Variants in PANK1 observed in about 807,000 individuals in gnomAD.
PANK1 encodes pantothenic acid kinase 1.
PANK1 carries 18 observed loss-of-function variants against 40.1 expected under a neutral mutation model. The ratio of observed to expected loss-of-function variants is 0.45; its 90% CI spans 0.31 to 0.67. PANK1 has a LOEUF of 0.67. PANK1 is among the 30% of genes least tolerant of loss of function. The pLI is 0.06. For missense variants in PANK1, 457 were observed against 599.6 expected, an observed-to-expected ratio of 0.76 and a Z score of 2.48; for synonymous variants, 242 against 237.7, an observed-to-expected ratio of 1.02 and a Z score of -0.17.
intron 4 of PANK1, 41 bp from the exon 5 acceptor site, chr10:89,593,361 C>T (rs1231215637): frequency 1.8e-5 from 29 of 1,600,982 alleles, no homozygotes; most frequent in Non-Finnish European, 2.3e-5. Context: ...AAATCGTCCT[C>T]AGGCAGGGCC....
At chr10:89,641,764 TAAATAAATAAAA>T (rs1314744739) in intron 1 of PANK1, among the ~76,000 whole-genome samples, 1 of 108,986 alleles carries the variant, frequency 9.2e-6, no homozygotes, top group Non-Finnish European at 1.9e-5. Flanking sequence ...AATAAATAAA[TAAATAAATAAAA>T]TAAAAAAAAA....
At chr10:89,607,460 T>C (rs1279807863) in intron 2 of PANK1, among the ~76,000 whole-genome samples, 1 of 152,194 alleles carries the variant, frequency 6.6e-6, no homozygotes, top group Non-Finnish European at 1.5e-5. Context: ...TTAAAAAGTT[T>C]GAAATACAGC....
intron 2 of PANK1, among the ~76,000 whole-genome samples, chr10:89,601,614 T>C (rs1375165775): frequency 2.0e-5 from 3 of 152,246 alleles, no homozygotes; most frequent in African/African-American, 7.2e-5. Flanking sequence ...TCTGATTGTA[T>C]ACCTGCAGAA....
At chr10:89,582,355 T>C (rs1844067116), downstream of PANK1, 2 of 152,330 alleles carry the variant, frequency 1.3e-5, no homozygotes, top group South Asian at 4.1e-4. Flanking sequence ...ATCTCTTTTG[T>C]AAAAAACAGG....
chr10:89,607,642 T>C (rs1845009083), intron 2 of PANK1, among the ~76,000 whole-genome samples: 1 of 152,208 alleles, frequency 6.6e-6, no homozygotes, highest in Admixed American at 6.5e-5. Context: ...ATTAATGACT[T>C]TTTAAAAATA....
At chr10:89,595,126 T>C (rs1844522197) in intron 3 of PANK1, among the ~76,000 whole-genome samples, 1 of 152,212 alleles carries the variant, frequency 6.6e-6, no homozygotes, top group African/African-American at 2.4e-5. Flanking sequence ...TACAAAACTG[T>C]AGATAGGTAC....
Position 89,584,137 on chromosome 10 carries a change from T to C in PANK1, c.*269A>G, listed in dbSNP as rs1589750992. On this transcript the variant is annotated 3_prime_UTR_variant, in exon 7 of 7. Transcript: ENST00000307534. The stretch of plus-strand genomic sequence containing the variant: ...CAAACAACTTTTCAAAGTTAATGCA[T>C]ACAATTGGTAGGTTTGGCCACGCTG... 5.4e-6 allele frequency: 2 copies of C among 369,876 alleles called. No homozygotes were observed. The highest frequency in any genetic ancestry group is 8.3e-5 in the East Asian group (2 of 24,232). 22.9% of individuals were successfully genotyped at this position (369,876 alleles called of 1,614,324 possible).
chr10:89,591,874 A>G (rs1317646328), intron 5 of PANK1, among the ~76,000 whole-genome samples: 1 of 152,070 alleles, frequency 6.6e-6, no homozygotes, highest in African/African-American at 2.4e-5. Context: ...GGCTCACTCC[A>G]GCAAAAAGCA....
At chr10:89,624,072 C>T (rs549763264) in intron 1 of PANK1, among the ~76,000 whole-genome samples, 5 of 152,202 alleles carry the variant, frequency 3.3e-5, no homozygotes, top group African/African-American at 4.8e-5. Flanking sequence ...TTTCTCCTCT[C>T]GCCCAGACAC....
chr10:89,588,335 AG>A (rs1320502964), intron 6 of PANK1, among the ~76,000 whole-genome samples: 7 of 152,182 alleles, frequency 4.6e-5, no homozygotes, highest in Non-Finnish European at 1.0e-4. Flanking sequence ...AAGTATTCAG[AG>A]GTGGAACTGC....
At chr10:89,636,397 C>T (rs1004156111) in intron 1 of PANK1, among the ~76,000 whole-genome samples, 4 of 151,728 alleles carry the variant, frequency 2.6e-5, no homozygotes, top group African/African-American at 9.7e-5. Flanking sequence ...CTTGCAGTGG[C>T]GCGATCTCAG....
intron 3 of PANK1, among the ~76,000 whole-genome samples, chr10:89,595,123 C>A (rs1844522116): frequency 6.6e-6 from 1 of 152,186 alleles, no homozygotes; most frequent in Non-Finnish European, 1.5e-5. Flanking sequence ...AGGTACAAAA[C>A]TGTAGATAGG....
intron 1 of PANK1, among the ~76,000 whole-genome samples, chr10:89,641,764 T>C (rs1841975923): frequency 9.2e-6 from 1 of 108,986 alleles, no homozygotes; most frequent in South Asian, 3.4e-4. Flanking sequence ...AATAAATAAA[T>C]AAATAAATAA....
At chr10:89,609,852 A>C (rs1203237795) in intron 2 of PANK1, among the ~76,000 whole-genome samples, 1 of 152,224 alleles carries the variant, frequency 6.6e-6, no homozygotes, top group African/African-American at 2.4e-5. Flanking sequence ...TGGCCAACAC[A>C]TATTGAGTAA....
intron 3 of PANK1, among the ~76,000 whole-genome samples, chr10:89,596,491 G>T (rs957667354): frequency 8.5e-5 from 13 of 152,326 alleles, no homozygotes; most frequent in African/African-American, 2.9e-4. Flanking sequence ...GCATGCATTT[G>T]CACAGTGAGT....
chr10:89,618,428 A>G (rs1845384185), intron 1 of PANK1, among the ~76,000 whole-genome samples: 4 of 152,214 alleles, frequency 2.6e-5, no homozygotes, highest in Non-Finnish European at 5.9e-5. Flanking sequence ...TTATATCATC[A>G]CCTGAGTAAC....
chr10:89,643,113 T>C (rs968449114), intron 1 of PANK1, among the ~76,000 whole-genome samples: 3 of 152,236 alleles, frequency 2.0e-5, no homozygotes, highest in Admixed American at 6.5e-5. Flanking sequence ...ATATCCTCAA[T>C]TAAACATAGA....
At chr10:89,643,586 G>T in intron 1 of PANK1, 1 of 781,150 alleles carries the variant, frequency 1.3e-6, no homozygotes, top group Non-Finnish European at 2.2e-6. Flanking sequence ...GGTGTTATTT[G>T]CCAAACATTA....
intron 1 of PANK1, 106 bp downstream of exon 1, chr10:89,644,494 G>C: frequency 4.0e-6 from 4 of 988,888 alleles, no homozygotes; most frequent in South Asian, 1.7e-5. Context: ...CCGCAGACGC[G>C]GGGGCGCACG....
Sources: gnomAD v4.1 joint callset for allele counts (sites outside exome capture counted in the v4.1 genomes callset) on GRCh38, gnomAD v4.1.1 for gene constraint, MANE v1.5 for transcripts, NCBI Gene and HGNC (gene_info 2026-07-23, HGNC 2026-07-21) for gene names.